AGBL4: variants seen among roughly 807,000 people sequenced by gnomAD.
AGBL4 encodes the protein AGBL carboxypeptidase 4, also known as cytosolic carboxypeptidase 6.
A neutral mutation model predicts 66.4 loss-of-function variants in AGBL4; 58 were observed. The observed-to-expected ratio is 0.87, with a 90% CI of 0.71 to 1.09. The LOEUF (loss-of-function observed/expected upper bound fraction) is 1.09, where lower values mean the gene tolerates loss of function less well. AGBL4 is among the 50% of genes least tolerant of loss of function. AGBL4 has a pLI of 0.00. For synonymous variants in AGBL4, 234 were observed against 222.9 expected, an observed-to-expected ratio of 1.05 and a Z score of -0.44; for missense variants, 579 against 631.0, an observed-to-expected ratio of 0.92 and a Z score of 0.88.
chr1:48,568,389 G>A (rs1206114895), intron 11 of AGBL4, among the ~76,000 whole-genome samples: 1 of 151,984 alleles, frequency 6.6e-6, no homozygotes, highest in East Asian at 1.9e-4. Flanking sequence ...GGCTAGCTTG[G>A]CTCCAGGCCA....
chr1:48,602,665 T>C (rs565139456), intron 9 of AGBL4, among the ~76,000 whole-genome samples: 2 of 152,266 alleles, frequency 1.3e-5, no homozygotes, highest in South Asian at 4.1e-4. Flanking sequence ...ATGTACTTTA[T>C]CCTAGGGAAA....
At position 49,851,465 on chromosome 1, in the gene AGBL4, C is replaced by T. The variant is rs1646303684; in HGVS notation, c.88G>A (p.Val30Met). 4 of 1,550,136 alleles carry T rather than the reference C, an allele frequency of 2.6e-6. No individual in the cohort carries two copies. The highest frequency in any genetic ancestry group is 3.5e-6 in the Non-Finnish European group (4 of 1,146,112). The change falls in exon 2 of 14, where the codon GTG (valine) becomes ATG (methionine). Residue 30 changes from valine to methionine, a missense_variant. By Grantham distance (21) the Val-to-Met change is conservative. Coordinates refer to ENST00000371839, the MANE Select transcript of AGBL4 (RefSeq NM_032785.4). The part of the protein sequence containing the change: ...AIGGNVSKYI[V>M]LPTGYCGQPK... ...TGTCCACAATAGCCAGTTGGAAGCA[C>T]TATATATTTGCTCACATTCCCTCCA...
intron 4 of AGBL4, among the ~76,000 whole-genome samples, chr1:49,055,599 G>A (rs1326118216): frequency 6.6e-6 from 1 of 151,882 alleles, no homozygotes; most frequent in East Asian, 1.9e-4. Context: ...AAAATCATGA[G>A]AACATATTAG....
chr1:49,651,266 C>T (rs1645999071), intron 3 of AGBL4, among the ~76,000 whole-genome samples: 2 of 152,102 alleles, frequency 1.3e-5, no homozygotes, highest in African/African-American at 2.4e-5. Context: ...ACTGGTGCAG[C>T]GCCCCCTACC....
chr1:48,539,768 C>G (rs568867535), intron 11 of AGBL4, 30 bp from the exon 12 acceptor site: 1 of 1,416,676 alleles, frequency 7.1e-7, no homozygotes, highest in Non-Finnish European at 9.5e-7. Flanking sequence ...GGAGCAACTT[C>G]GAAAACAGAT....
chr1:49,904,534 GA>G (rs2148196350), intron 1 of AGBL4, among the ~76,000 whole-genome samples: 1 of 152,194 alleles, frequency 6.6e-6, no homozygotes, highest in Non-Finnish European at 1.5e-5. Context: ...TATAAGAAAT[GA>G]GCTCTTTTAA....
At chr1:49,099,808 C>T (rs1306456475) in intron 4 of AGBL4, among the ~76,000 whole-genome samples, 1 of 152,132 alleles carries the variant, frequency 6.6e-6, no homozygotes, top group African/African-American at 2.4e-5. Flanking sequence ...GAAAGTCAAA[C>T]TGAAAACTGA....
intron 6 of AGBL4, among the ~76,000 whole-genome samples, chr1:48,807,185 C>T (rs1470287597): frequency 6.6e-6 from 1 of 152,192 alleles, no homozygotes; most frequent in East Asian, 1.9e-4. Context: ...CATTTCCTTG[C>T]CTGTCTGCCC....
chr1:49,898,408 TAA>T (rs1452082816), intron 1 of AGBL4, among the ~76,000 whole-genome samples: 2 of 151,918 alleles, frequency 1.3e-5, no homozygotes, highest in Non-Finnish European at 2.9e-5. Flanking sequence ...GTCAAAACTA[TAA>T]AGAGATATCA....
At chr1:49,830,476 AATTTAAGTTCTTTGTAGATTCTGGAT>A in intron 2 of AGBL4, among the ~76,000 whole-genome samples, 1 of 151,318 alleles carries the variant, frequency 6.6e-6, no homozygotes, top group Non-Finnish European at 1.5e-5. Context: ...TTTTCTTATA[AATTTAAGTTCTTTGTAGATTCTGGAT>A]ATTAGCCCTT....
chr1:49,929,185 T>C (rs1188171131), intron 1 of AGBL4, among the ~76,000 whole-genome samples: 1 of 151,984 alleles, frequency 6.6e-6, no homozygotes, highest in African/African-American at 2.4e-5. Flanking sequence ...GGGGCAAAGA[T>C]TGAAAAACCA....
intron 3 of AGBL4, among the ~76,000 whole-genome samples, chr1:49,354,391 T>C (rs1403263030): frequency 1.3e-5 from 2 of 152,234 alleles, no homozygotes; most frequent in Non-Finnish European, 2.9e-5. Flanking sequence ...CTTCATGTCA[T>C]TATACTCTCC....
intron 5 of AGBL4, among the ~76,000 whole-genome samples, chr1:48,931,614 T>C (rs998290022): frequency 6.6e-6 from 1 of 152,092 alleles, no homozygotes; most frequent in East Asian, 1.9e-4. Flanking sequence ...TGTTCTCCAG[T>C]GCTCAAATGG....
At chr1:49,698,998 C>G (rs1051974520) in intron 2 of AGBL4, among the ~76,000 whole-genome samples, 3 of 151,926 alleles carry the variant, frequency 2.0e-5, no homozygotes, top group Non-Finnish European at 4.4e-5. Context: ...AATTGAAACC[C>G]AGAAATGTTT....
intron 4 of AGBL4, among the ~76,000 whole-genome samples, chr1:49,068,976 G>C (rs554825176): frequency 2.0e-4 from 30 of 152,268 alleles, no homozygotes; most frequent in African/African-American, 7.2e-4. Flanking sequence ...TTTCTCTGAT[G>C]ACCAGTGATG....
chr1:48,880,216 G>A (rs1234988503), intron 5 of AGBL4, among the ~76,000 whole-genome samples: 1 of 152,108 alleles, frequency 6.6e-6, no homozygotes, highest in Non-Finnish European at 1.5e-5. Context: ...AACATGTGAT[G>A]TTTGGTTTTT....
In AGBL4 at chr1:49,084,889, G is replaced by A. The variant is rs189828062; in HGVS notation, c.378-39089C>T. On this transcript the variant is annotated intron_variant, in intron 4 of 13. Transcript: ENST00000371839. ...GCAATTAAGTGATGGGTCTGAGACC[G>A]TCATGTTGTCCTTTTTGACTCCAAA... Among the ~76,000 whole-genome samples, 125 of 152,268 alleles carry A rather than the reference G, an allele frequency of 8.2e-4. No individual in the cohort carries two copies. In the Middle Eastern group the frequency reaches 0.01, roughly 12 times the overall value.
At chr1:49,718,606 T>C (rs1282973147) in intron 2 of AGBL4, among the ~76,000 whole-genome samples, 2 of 152,100 alleles carry the variant, frequency 1.3e-5, no homozygotes, top group African/African-American at 4.8e-5. Context: ...TTTCTGTTCA[T>C]CCATTGACAG....
At chr1:48,865,756 G>T (rs1304918512) in intron 6 of AGBL4, among the ~76,000 whole-genome samples, 1 of 152,062 alleles carries the variant, frequency 6.6e-6, no homozygotes, top group Admixed American at 6.5e-5. Context: ...ATCATATCAG[G>T]GTGTGACCTG....
Sources: gnomAD v4.1 joint callset for allele counts (sites outside exome capture counted in the v4.1 genomes callset) on GRCh38, gnomAD v4.1.1 for gene constraint, MANE v1.5 for transcripts, NCBI Gene and HGNC (gene_info 2026-07-23, HGNC 2026-07-21) for gene names.